Variants in HIVEP2 observed in about 807,000 individuals in gnomAD.
HIVEP2 encodes transcription factor HIVEP2.
HIVEP2 carries 14 observed loss-of-function variants against 180.7 expected under a neutral mutation model. The ratio of observed to expected loss-of-function variants is 0.08; its 90% CI spans 0.05 to 0.12. The LOEUF is 0.12. Among genes scored for constraint, HIVEP2 ranks in the 10% least tolerant of loss-of-function variants. The pLI, the probability that HIVEP2 is intolerant of heterozygous loss-of-function variation, is 1.00. For missense variants in HIVEP2, 2,579 were observed against 3,008.5 expected, an observed-to-expected ratio of 0.86 and a Z score of 3.34; for synonymous variants, 1,184 against 1,136.4, an observed-to-expected ratio of 1.04 and a Z score of -0.84.
chr6:142,932,976 C>G (rs571528928), intron 1 of HIVEP2, among the ~76,000 whole-genome samples: 2 of 152,294 alleles, frequency 1.3e-5, no homozygotes, highest in Admixed American at 1.3e-4. Context: ...TTAAACTAGA[C>G]ACTTTAAGAG....
intron 6 of HIVEP2, among the ~76,000 whole-genome samples, chr6:142,767,509 T>C (rs913872841): frequency 6.6e-6 from 1 of 152,200 alleles, no homozygotes; most frequent in African/African-American, 2.4e-5. Context: ...CCAAATATAA[T>C]TGGAATAAAG....
intron 7 of HIVEP2, among the ~76,000 whole-genome samples, chr6:142,762,725 T>C (rs1775281400): frequency 6.6e-6 from 1 of 152,188 alleles, no homozygotes; most frequent in Admixed American, 6.5e-5. Flanking sequence ...CAGCTTGCTG[T>C]TCATGTAATA....
chr6:142,801,327 T>G (rs555813422), intron 2 of HIVEP2, among the ~76,000 whole-genome samples: 2 of 150,794 alleles, frequency 1.3e-5, no homozygotes, highest in Non-Finnish European at 2.9e-5. Context: ...AAGAATTGCT[T>G]GAACCCAGGA....
intron 1 of HIVEP2, among the ~76,000 whole-genome samples, chr6:142,915,799 G>A (rs1777537971): frequency 6.6e-6 from 1 of 151,974 alleles, no homozygotes; most frequent in Non-Finnish European, 1.5e-5. Flanking sequence ...TATACATTAA[G>A]GACACCCACT....
At chr6:142,826,226 T>G (rs1774895787) in intron 2 of HIVEP2, among the ~76,000 whole-genome samples, 1 of 152,252 alleles carries the variant, frequency 6.6e-6, no homozygotes, top group South Asian at 2.1e-4. Flanking sequence ...TGTGTATGTT[T>G]AAATAGCTTA....
intron 1 of HIVEP2, among the ~76,000 whole-genome samples, chr6:142,875,381 A>C (rs11969311): frequency 0.2 from 29,766 of 152,082 alleles, 3,040 homozygotes; most frequent in South Asian, 0.22. Flanking sequence ...GCCCTATGGG[A>C]CATGGTGAAT....
intron 2 of HIVEP2, among the ~76,000 whole-genome samples, chr6:142,785,309 C>CAAAAAAAAAAAAA (rs57458259): frequency 1.8e-4 from 12 of 65,394 alleles, no homozygotes; most frequent in South Asian, 8.7e-4. Flanking sequence ...TGGCATTCCT[C>CAAAAAAAAAAAAA]AAAAAAAAAA....
intron 1 of HIVEP2, among the ~76,000 whole-genome samples, chr6:142,862,732 G>A (rs1203342742): frequency 1.2e-4 from 16 of 133,516 alleles, no homozygotes; most frequent in Non-Finnish European, 2.0e-4. Context: ...CATATATTAT[G>A]TAATTATATA....
intron 1 of HIVEP2, among the ~76,000 whole-genome samples, chr6:142,847,264 T>C (rs1775537651): frequency 2.6e-5 from 4 of 152,154 alleles, no homozygotes; most frequent in Admixed American, 2.6e-4. Flanking sequence ...TAGAGCTATT[T>C]TCAGCTTCCA....
At chr6:142,819,486 G>A (rs962565159) in intron 2 of HIVEP2, among the ~76,000 whole-genome samples, 3 of 152,086 alleles carry the variant, frequency 2.0e-5, no homozygotes, top group African/African-American at 7.2e-5. Flanking sequence ...GTAAATTTAA[G>A]TTTCACATAC....
At chr6:142,821,256 T>C (rs1180158041) in intron 2 of HIVEP2, among the ~76,000 whole-genome samples, 5 of 151,336 alleles carry the variant, frequency 3.3e-5, no homozygotes, top group Admixed American at 1.3e-4. Flanking sequence ...GAAGAGTTCC[T>C]CCTAGGACTA....
intron 1 of HIVEP2, among the ~76,000 whole-genome samples, chr6:142,884,298 C>T (rs11155266): frequency 0.18 from 26,646 of 151,418 alleles, 2,832 homozygotes; most frequent in East Asian, 0.41. Flanking sequence ...GGGAATATGC[C>T]TTTGTTCTGG....
At chr6:142,808,479 G>GGAT (rs1562243591) in intron 2 of HIVEP2, among the ~76,000 whole-genome samples, 25 of 146,726 alleles carry the variant, frequency 1.7e-4, no homozygotes, top group Admixed American at 3.4e-4. Flanking sequence ...AGATGTGGGA[G>GGAT]GGATGGATGG....
intron 1 of HIVEP2, among the ~76,000 whole-genome samples, chr6:142,878,275 G>A (rs989538844): frequency 6.6e-6 from 1 of 152,152 alleles, no homozygotes; most frequent in Non-Finnish European, 1.5e-5. Context: ...ATTAATCACT[G>A]CATAGCTAAC....
chr6:142,755,131 G>A (rs1775031140), intron 9 of HIVEP2, among the ~76,000 whole-genome samples: 1 of 152,114 alleles, frequency 6.6e-6, no homozygotes, highest in Non-Finnish European at 1.5e-5. Context: ...GATTCATCCA[G>A]TTCTATCTAG....
intron 1 of HIVEP2, among the ~76,000 whole-genome samples, chr6:142,913,921 CGT>C (rs1356771307): frequency 2.6e-5 from 4 of 152,028 alleles, no homozygotes; most frequent in Non-Finnish European, 4.4e-5. Context: ...GCAAGTTGCA[CGT>C]TTGCACGTGT....
At chr6:142,834,494 A>C (rs149270329) in intron 2 of HIVEP2, among the ~76,000 whole-genome samples, 1 of 152,178 alleles carries the variant, frequency 6.6e-6, no homozygotes, top group African/African-American at 2.4e-5. Context: ...CATAATTCCT[A>C]AATAAATATA....
rs1652537923 is a variant in HIVEP2 at position 142,771,092 on chromosome 6, A to G, written c.3647T>C (p.Val1216Ala). 6 of 1,614,212 alleles carry G rather than the reference A, an allele frequency of 3.7e-6. No homozygotes were observed. The highest frequency in any genetic ancestry group is 5.1e-6 in the Non-Finnish European group (6 of 1,180,040). Residue 1216 changes from valine to alanine, a missense_variant, in exon 5 of 10, where the codon GTT (valine) becomes GCT (alanine). By Grantham distance (64) the Val-to-Ala change is moderately conservative (BLOSUM62 0). This residue lies in a region of HIVEP2 where 523 missense variants were observed against 577.0 expected (regional missense o/e 0.91). Transcript: ENST00000367603. The surrounding 1 kb of genome is among the most constrained non-coding windows in gnomAD (Gnocchi z 5.4). ...GGGAGGCTGCTGAGCTGGTAAATGA[A>G]CCATACAAACTGTAGGATACTGAAA... is the stretch of plus-strand genomic sequence containing the variant. ...FQFQYPTVCM[V>A]HLPAQQPPWW...
At chr6:142,868,660 T>C (rs776164162) in intron 1 of HIVEP2, among the ~76,000 whole-genome samples, 101 of 152,280 alleles carry the variant, frequency 6.6e-4, no homozygotes, top group South Asian at 1.4e-3. Flanking sequence ...ACTACTTCCA[T>C]CTTTGAAAGT....
Sources: allele counts gnomAD v4.1 joint callset (sites outside exome capture counted in the v4.1 genomes callset), GRCh38; gene constraint gnomAD v4.1.1; regional missense constraint gnomAD v4.1.1; non-coding constraint Gnocchi (gnomAD v3.1); transcripts MANE v1.5; gene names NCBI Gene and HGNC (gene_info 2026-07-23, HGNC 2026-07-21).